The following AK7 variants were observed in gnomAD, a reference collection of about 807,000 sequenced individuals.
AK7 encodes ATP-AMP transphosphorylase 7.
AK7 carries 78 observed loss-of-function variants against 96.6 expected under a neutral mutation model. That is an observed-to-expected ratio of 0.81 (90% CI 0.67 to 0.97). AK7 has a LOEUF of 0.97. Ranked by LOEUF, AK7 falls within the 50% of genes least tolerant of loss-of-function variation. The probability of loss-of-function intolerance (pLI) is 0.00; values close to 1 mark genes in which losing one functional copy is unlikely to be tolerated. For synonymous variants in AK7, 302 were observed against 317.2 expected (o/e 0.95, Z 0.51); for missense variants, 855 against 887.9 (o/e 0.96, Z 0.47).
At chr14:96,406,932 A>G (rs537815947) in intron 3 of AK7, among the ~76,000 whole-genome samples, 1 of 152,162 alleles carries the variant, frequency 6.6e-6, no homozygotes, top group Non-Finnish European at 1.5e-5. Context: ...TCAGCCTCCA[A>G]CAGGGCTGGG....
intron 12 of AK7, among the ~76,000 whole-genome samples, chr14:96,458,742 C>CA (rs1010974357): frequency 0.13 from 11,940 of 89,724 alleles, 679 homozygotes; most frequent in East Asian, 0.17. Flanking sequence ...AACTCTGTCT[C>CA]AAAAAAAAAA....
chr14:96,395,178 A>C (rs935280550), intron 1 of AK7, among the ~76,000 whole-genome samples: 5 of 152,200 alleles, frequency 3.3e-5, no homozygotes, highest in African/African-American at 1.2e-4. Flanking sequence ...GAACTAAACT[A>C]CTAATAACCT....
intron 12 of AK7, among the ~76,000 whole-genome samples, chr14:96,458,432 C>CA (rs1262616905): frequency 2.0e-5 from 3 of 151,330 alleles, no homozygotes; most frequent in Non-Finnish European, 4.4e-5. Context: ...CCCATCTCTA[C>CA]AAAAAAATAC....
chr14:96,413,202 G>A (rs1029583861), intron 4 of AK7, among the ~76,000 whole-genome samples: 3 of 152,166 alleles, frequency 2.0e-5, no homozygotes, highest in African/African-American at 7.2e-5. Context: ...AGGCCTGAGA[G>A]GACAAAGAGG....
intron 15 of AK7, 162 bp from the exon 16 acceptor site, chr14:96,482,837 G>A (rs546551214): frequency 5.9e-5 from 48 of 814,316 alleles, no homozygotes; most frequent in African/African-American, 1.9e-4. Context: ...ATATTTGCCC[G>A]TGAGAGAAGA....
intron 1 of AK7, among the ~76,000 whole-genome samples, 192 bp from the exon 2 acceptor site, chr14:96,397,883 G>C (rs1890167097): frequency 6.6e-6 from 1 of 152,150 alleles, no homozygotes; most frequent in Non-Finnish European, 1.5e-5. Context: ...TCTGTAAAAT[G>C]GGGAATTATA....
intron 12 of AK7, among the ~76,000 whole-genome samples, chr14:96,467,827 C>T (rs1484327067): frequency 6.6e-6 from 1 of 152,086 alleles, no homozygotes; most frequent in African/African-American, 2.4e-5. Flanking sequence ...TTTCATTTCT[C>T]ATTATCTTTA....
At chr14:96,428,128 G>A (rs921143557) in intron 5 of AK7, among the ~76,000 whole-genome samples, 7 of 151,796 alleles carry the variant, frequency 4.6e-5, no homozygotes, top group East Asian at 1.9e-4. Context: ...CCCACCTTAC[G>A]ACAGGCCTCA....
At chr14:96,434,487 G>C (rs2140075393) in intron 5 of AK7, among the ~76,000 whole-genome samples, 1 of 151,952 alleles carries the variant, frequency 6.6e-6, no homozygotes, top group South Asian at 2.1e-4. Context: ...TGGGGGTGGA[G>C]TGACACAAGC....
chr14:96,415,483 C>T (rs1049159826), intron 4 of AK7, among the ~76,000 whole-genome samples: 1 of 151,826 alleles, frequency 6.6e-6, no homozygotes, highest in Non-Finnish European at 1.5e-5. Context: ...GTCTACTGTA[C>T]ATTTAAAAGT....
chr14:96,460,560 C>T (rs1238983317), intron 12 of AK7, among the ~76,000 whole-genome samples: 7 of 152,134 alleles, frequency 4.6e-5, no homozygotes, highest in South Asian at 2.1e-4. Context: ...CCCACTGCAC[C>T]GCCGGGGCAT....
chr14:96,423,068 C>T lies in AK7; in HGVS notation c.609+2136C>T, dbSNP rs1167389371. ...CACAGATGTAGGGATTCCTGATAAG[C>T]GGTCAGCTAGTACTGCTGCCCATCT... On this transcript the variant is annotated intron_variant, in intron 5 of 17. Coordinates refer to ENST00000267584, the MANE Select transcript of AK7 (RefSeq NM_152327.5). Among the ~76,000 whole-genome samples the T allele has an allele frequency of 2.6e-5, 4 of 152,168 alleles. No individual in the cohort carries two copies. The South Asian group carries it at 6.2e-4, about 24-fold the overall frequency.
chr14:96,453,128 T>C (rs374130659), intron 10 of AK7, among the ~76,000 whole-genome samples: 11 of 152,220 alleles, frequency 7.2e-5, no homozygotes, highest in Admixed American at 2.0e-4. Context: ...AAAACATGTC[T>C]AGTTAAGAAT....
chr14:96,478,745 G>C lies in AK7; in HGVS notation c.1753+83G>C, dbSNP rs73351158. The C allele has an allele frequency of 4.8e-3, 6,646 of 1,388,104 alleles. 244 individuals are homozygous for C. In the African/African-American group the frequency reaches 0.082, roughly 17 times the overall value. The allele number at this position is 1,388,104 out of a possible 1,614,324, so 86.0% of individuals were successfully genotyped here. A position where few individuals can be genotyped will look rare whatever the true frequency, so the allele number is the denominator to read the frequency against. ...CAGGTCTAGCTGTAATTGTGGGGCTGGGGGGAGGGTGGGGAGTGTAATCAT... is the reference window on the plus strand; with the variant it reads ...CAGGTCTAGCTGTAATTGTGGGGCTCGGGGGAGGGTGGGGAGTGTAATCAT... On this transcript the variant is annotated intron_variant, in intron 15 of 17. Transcript: ENST00000267584.
chr14:96,440,914 G>A (rs1489220558), intron 6 of AK7, among the ~76,000 whole-genome samples: 1 of 151,578 alleles, frequency 6.6e-6, no homozygotes, highest in Non-Finnish European at 1.5e-5. Flanking sequence ...TCCCAGTAAA[G>A]CACTTTCGGA....
chr14:96,457,824 A>G (rs1334283252), intron 11 of AK7, among the ~76,000 whole-genome samples: 2 of 152,242 alleles, frequency 1.3e-5, no homozygotes, highest in South Asian at 2.1e-4. Context: ...AGAATAACAC[A>G]TTAGAAAGAT....
intron 7 of AK7, among the ~76,000 whole-genome samples, chr14:96,443,553 A>T (rs1306280641): frequency 6.6e-6 from 1 of 152,160 alleles, no homozygotes; most frequent in East Asian, 1.9e-4. Flanking sequence ...TTACTGGGAA[A>T]TGAAGGAAGT....
chr14:96,478,831 G>A lies in AK7; in HGVS notation c.1753+169G>A, dbSNP rs150771118. On this transcript the variant is annotated intron_variant, in intron 15 of 17. Transcript: ENST00000267584. Reference sequence around the variant, plus strand: ...CACTCCTCCTGGGGAGTCATTCTATGTGGGGATTTGGTGGTGGGAGGGTGT... The same window carrying A: ...CACTCCTCCTGGGGAGTCATTCTATATGGGGATTTGGTGGTGGGAGGGTGT... Among the ~76,000 whole-genome samples the A allele has an allele frequency of 2.6e-5, 4 of 152,130 alleles. No individual in the cohort carries two copies. In the East Asian group the frequency reaches 7.8e-4, roughly 30 times the overall value.
chr14:96,456,442 G>A lies in AK7; in HGVS notation c.1194G>A (p.Leu398=), dbSNP rs1893914449. 2 of 1,613,718 alleles carry A rather than the reference G, an allele frequency of 1.2e-6. No homozygotes were observed. Among genetic ancestry groups the A allele is most frequent in the Non-Finnish European group, 1.7e-6 (2 of 1,179,868 alleles). Residue 398 remains leucine (L), a synonymous_variant, in exon 11 of 18, where the codon CTG becomes CTA. Coordinates refer to ENST00000267584, the MANE Select transcript of AK7 (RefSeq NM_152327.5). ...ANYYKLHHIQ[L]KDVISEAIAK... ...ACTACAAACTGCATCACATCCAACT[G>A]AAGGATGTCATTTCTGAAGCCATAG...
Sources: allele counts gnomAD v4.1 joint callset (sites outside exome capture counted in the v4.1 genomes callset), GRCh38; gene constraint gnomAD v4.1.1; transcripts MANE v1.5; gene names NCBI Gene and HGNC (gene_info 2026-07-23, HGNC 2026-07-21).